Variants in SLF2 observed in about 807,000 individuals in gnomAD.
The protein encoded by SLF2 is SMC5-SMC6 complex localization factor protein 2.
A neutral mutation model predicts 124.3 loss-of-function variants in SLF2; 68 were observed. The observed-to-expected ratio is 0.55, with a 90% confidence interval of 0.45 to 0.67. The LOEUF is 0.67. Ranked by LOEUF, SLF2 falls within the 30% of genes least tolerant of loss-of-function variation. The pLI is 0.00. For missense variants in SLF2, 1,246 were observed against 1,373.7 expected (o/e 0.91, Z 1.47); for synonymous variants, 480 against 478.8 (o/e 1.00, Z -0.03).
At chr10:100,949,948 T>C in intron 15 of SLF2, 128 bp from the exon 16 acceptor site, 1 of 916,548 alleles carries the variant, frequency 1.1e-6, no homozygotes, top group Non-Finnish European at 1.5e-6. Flanking sequence ...GGAAAATGGA[T>C]ATTGTTAAGT....
In SLF2 at chr10:100,925,958, C is replaced by T; in HGVS notation, c.1981C>T (p.His661Tyr). 1 of 1,593,086 alleles carries T rather than the reference C, an allele frequency of 6.3e-7. No homozygotes were observed. Among genetic ancestry groups the T allele is most frequent in the Middle Eastern group, 1.7e-4 (1 of 5,850 alleles). Residue 661 changes from histidine (H) to tyrosine (Y), a missense_variant, in exon 6 of 20, where the codon CAT (histidine) becomes TAT (tyrosine). Physicochemically the swap from His to Tyr is moderately conservative, Grantham distance 83. Around this residue, in one of 3 missense-constraint regions of SLF2, gnomAD observed 535 missense variants for 632.8 expected, o/e 0.85. Coordinates refer to ENST00000238961, the MANE Select transcript of SLF2 (RefSeq NM_018121.4). Reference protein sequence around the residue: ...SQSSDYTGHVHPGTYTNTLER... With the variant: ...SQSSDYTGHVYPGTYTNTLER... The stretch of plus-strand genomic sequence containing the variant: ...AATGTTCTTGTTTTAGGGACATGTT[C>T]ATCCTGGAACTTACACAAATACCTT...
chr10:100,931,046 T>G lies in SLF2; in HGVS notation c.2404T>G (p.Cys802Gly), dbSNP rs1201263294. ...TACGTCTGCTTATCACTATGTCCAG[T>G]GTCCTGTCCCTGTGTTAAAGTGGCT... ...FLTSAYHYVQ[C>G]PVPVLKWLFR... The change falls in exon 9 of 20, where the codon TGT becomes GGT. Residue 802 changes from cysteine to glycine, a missense_variant. Transcript: ENST00000238961. 1 of 1,613,900 alleles carries G rather than the reference T, an allele frequency of 6.2e-7. No homozygotes were observed. The highest frequency in any genetic ancestry group is 8.5e-7 in the Non-Finnish European group (1 of 1,179,944).
chr10:100,948,885 CAAAA>C (rs1217580073), intron 15 of SLF2, among the ~76,000 whole-genome samples: 1 of 151,786 alleles, frequency 6.6e-6, no homozygotes, highest in Non-Finnish European at 1.5e-5. Context: ...GACTCTGTCT[CAAAA>C]AAAAGCCCCA....
chr10:100,937,237 C>G (rs34583945), intron 9 of SLF2, among the ~76,000 whole-genome samples, 165 bp from the exon 10 acceptor site: 1 of 152,122 alleles, frequency 6.6e-6, no homozygotes, highest in Non-Finnish European at 1.5e-5. Flanking sequence ...TCTCAAACTC[C>G]TAAGCTCAAG....
intron 10 of SLF2, among the ~76,000 whole-genome samples, 181 bp from the exon 11 acceptor site, chr10:100,938,409 CTTATT>C (rs1190046944): frequency 6.6e-6 from 1 of 152,110 alleles, no homozygotes; most frequent in Non-Finnish European, 1.5e-5. Context: ...ATGTCATTTT[CTTATT>C]TTATTTGGGA....
intron 11 of SLF2, among the ~76,000 whole-genome samples, chr10:100,940,199 A>G (rs1849939908): frequency 2.6e-5 from 4 of 152,208 alleles, no homozygotes; most frequent in Admixed American, 2.6e-4. Flanking sequence ...TTTAGTGAGC[A>G]TGTACAGTAG....
Position 100,917,065 on chromosome 10 carries a change from C to G in SLF2, c.680C>G (p.Pro227Arg). The G allele has an allele frequency of 6.2e-7, 1 of 1,614,154 alleles. No homozygotes were observed. Among genetic ancestry groups the G allele is most frequent in the Non-Finnish European group, 8.5e-7 (1 of 1,180,022 alleles). Reference sequence around the variant, plus strand: ...AGGAGCAGCCTGTCCAGGCACCACCCGGAAGAAAGCCCACTGGGAGCTAAA... The same window carrying G: ...AGGAGCAGCCTGTCCAGGCACCACCGGGAAGAAAGCCCACTGGGAGCTAAA... Reference protein sequence around the residue: ...SSRSSLSRHHPEESPLGAKFQ... With the variant: ...SSRSSLSRHHREESPLGAKFQ... Residue 227 changes from proline (P) to arginine (R), a missense_variant, in exon 3 of 20, where the codon CCG becomes CGG. This residue lies in a region of SLF2 where 698 missense variants were observed against 708.9 expected (regional missense o/e 0.98). Transcript: ENST00000238961.
intron 6 of SLF2, chr10:100,926,316 A>G (rs72842141): frequency 1.2e-4 from 179 of 1,442,500 alleles, no homozygotes; most frequent in Middle Eastern, 7.6e-4. Flanking sequence ...CTCAAATGAA[A>G]AAAAGAGGCC....
rs560273858 is a variant in SLF2, at chr10:100,918,318, G to A, written c.916-66G>A. The A allele has an allele frequency of 4.0e-6, 4 of 999,776 alleles. No individual in the cohort carries two copies. The East Asian group carries it at 1.0e-4, about 26-fold the overall frequency. 61.9% of individuals were successfully genotyped at this position (999,776 alleles called of 1,614,324 possible). ...CTAGAAATCTGTGTTTAAATGTTAG[G>A]AAGAATGCCTTCACATTCTTTACTG... On this transcript the variant is annotated intron_variant, in intron 3 of 19. Coordinates refer to ENST00000238961, the MANE Select transcript of SLF2 (RefSeq NM_018121.4).
chr10:100,916,995 G>A lies in SLF2; in HGVS notation c.610G>A (p.Ala204Thr). ...NADSKKQTTV[A>T]EADIFNNSSR... The stretch of plus-strand genomic sequence containing the variant: ...AGACTCCAAAAAGCAGACCACAGTG[G>A]CAGAAGCTGACATCTTCAATAACAG... The change falls in exon 3 of 20, where the codon GCA (alanine) becomes ACA (threonine). Residue 204 changes from alanine to threonine, a missense_variant. Ala to Thr is a moderately conservative substitution (Grantham distance 58). This residue lies in a region of SLF2 where 698 missense variants were observed against 708.9 expected (regional missense o/e 0.98). Transcript: ENST00000238961. The A allele has an allele frequency of 6.2e-7, 1 of 1,614,140 alleles. No homozygotes were observed.
chr10:100,921,152 G>A (rs1197829479), intron 4 of SLF2, among the ~76,000 whole-genome samples: 2 of 152,164 alleles, frequency 1.3e-5, no homozygotes, highest in African/African-American at 2.4e-5. Context: ...ATTGTGAGGG[G>A]AAATTTAATC....
chr10:100,951,108 T>C (rs1401369352), intron 17 of SLF2, among the ~76,000 whole-genome samples: 1 of 152,170 alleles, frequency 6.6e-6, no homozygotes, highest in Admixed American at 6.5e-5. Context: ...CCAGGCGTTG[T>C]GGCAGGTGCC....
Position 100,947,145 on chromosome 10 carries a change from A to C in SLF2, c.3032+9A>C. The C allele has an allele frequency of 2.7e-6, 4 of 1,497,464 alleles. No homozygotes were observed. Among genetic ancestry groups the C allele is most frequent in the Non-Finnish European group, 3.6e-6 (4 of 1,116,476 alleles). 92.8% of individuals were successfully genotyped at this position (1,497,464 alleles called of 1,614,324 possible). On this transcript the variant is annotated intron_variant, in intron 14 of 19. Transcript: ENST00000238961. ...TGGACATCACGTGGAAGGTATTAAA[A>C]AGTGAAAATTAAACATTAAGAAATT...
At chr10:100,921,262 C>T (rs779785889) in intron 4 of SLF2, among the ~76,000 whole-genome samples, 1 of 152,172 alleles carries the variant, frequency 6.6e-6, no homozygotes, top group Non-Finnish European at 1.5e-5. Context: ...GTCTCCTAGG[C>T]TGGAGTGCAG....
chr10:100,918,697 A>G (rs1265814367), intron 4 of SLF2, among the ~76,000 whole-genome samples: 1 of 151,780 alleles, frequency 6.6e-6, no homozygotes, highest in Non-Finnish European at 1.5e-5. Context: ...TCACGACTCA[A>G]CTGCAAGCCT....
At chr10:100,946,449 C>A (rs1281940432) in intron 13 of SLF2, among the ~76,000 whole-genome samples, 3 of 151,746 alleles carry the variant, frequency 2.0e-5, no homozygotes, top group Non-Finnish European at 4.4e-5. Flanking sequence ...TCCTCAACCT[C>A]CCGAGTAGAT....
chr10:100,944,399 G>T (rs1850055456), intron 12 of SLF2, among the ~76,000 whole-genome samples: 1 of 150,926 alleles, frequency 6.6e-6, no homozygotes, highest in African/African-American at 2.4e-5. Flanking sequence ...GGAGGCTGAG[G>T]CAGGAGAATG....
intron 11 of SLF2, among the ~76,000 whole-genome samples, chr10:100,942,493 A>G (rs1012608870): frequency 2.0e-5 from 3 of 151,970 alleles, no homozygotes; most frequent in African/African-American, 7.3e-5. Flanking sequence ...CCACCTTCCC[A>G]TCATTTTTTT....
At chr10:100,958,992 A>T (rs1850380270) in intron 18 of SLF2, among the ~76,000 whole-genome samples, 1 of 152,212 alleles carries the variant, frequency 6.6e-6, no homozygotes, top group Non-Finnish European at 1.5e-5. Flanking sequence ...AGGGACAAAT[A>T]AACGTTTTTT....
Sources: allele counts gnomAD v4.1 joint callset (sites outside exome capture counted in the v4.1 genomes callset), GRCh38; gene constraint gnomAD v4.1.1; regional missense constraint gnomAD v4.1.1; transcripts MANE v1.5; gene names NCBI Gene and HGNC (gene_info 2026-07-23, HGNC 2026-07-21).